WWOX: variants seen among roughly 807,000 people sequenced by gnomAD.
The protein encoded by WWOX is WW domain containing oxidoreductase.
WWOX carries 69 observed loss-of-function variants against 46.2 expected under a neutral mutation model. The ratio of observed to expected loss-of-function variants is 1.49; its 90% CI spans 1.23 to 1.82. WWOX has a LOEUF of 1.82. WWOX is among the 40% of genes most tolerant of loss of function. The pLI is 0.00. For missense variants in WWOX, 919 were observed against 542.6 expected, an observed-to-expected ratio of 1.69 and a Z score of -6.89; for synonymous variants, 359 against 202.6, an observed-to-expected ratio of 1.77 and a Z score of -6.56.
intron 8 of WWOX, among the ~76,000 whole-genome samples, chr16:78,686,115 C>T (rs1334533311): frequency 6.6e-6 from 1 of 152,118 alleles, no homozygotes; most frequent in African/African-American, 2.4e-5. Flanking sequence ...CAGTCAGGAC[C>T]AGATGTTCAC....
chr16:78,825,458 G>A (rs1203706117), intron 8 of WWOX: 1 of 402,502 alleles, frequency 2.5e-6, no homozygotes, highest in Non-Finnish European at 5.0e-6. Context: ...AATGTTCCTG[G>A]TGAGAACAGC....
At chr16:78,343,653 T>C (rs1271503628) in intron 5 of WWOX, among the ~76,000 whole-genome samples, 1 of 121,038 alleles carries the variant, frequency 8.3e-6, no homozygotes, top group African/African-American at 2.8e-5. Context: ...AGTATATTTC[T>C]GTAAATAGCA....
In WWOX at chr16:78,490,205, C is replaced by G. The variant is rs1304882806; in HGVS notation, c.1056+57453C>G. On this transcript the variant is annotated intron_variant, in intron 8 of 8. Transcript: ENST00000566780. The stretch of plus-strand genomic sequence containing the variant: ...TTGACCTTTCCTTATCAAGGACGTA[C>G]AAGGTGAATAGCTGGGTGATAATAT... Among the ~76,000 whole-genome samples, 4 of 148,986 alleles carry G rather than the reference C, an allele frequency of 2.7e-5. No individual in the cohort carries two copies. The East Asian group carries it at 7.9e-4, about 29-fold the overall frequency.
chr16:79,132,352 G>T (rs186858817), intron 8 of WWOX, among the ~76,000 whole-genome samples: 1 of 152,270 alleles, frequency 6.6e-6, no homozygotes, highest in Admixed American at 6.5e-5. Flanking sequence ...GGGACTTCCG[G>T]TTGGTGGATT....
chr16:78,184,383 C>G (rs987609998), intron 5 of WWOX, among the ~76,000 whole-genome samples: 2 of 152,142 alleles, frequency 1.3e-5, no homozygotes, highest in Admixed American at 1.3e-4. Flanking sequence ...TCATTATCAT[C>G]ATGCTCACAT....
chr16:78,518,336 A>C (rs1393236791), intron 8 of WWOX, among the ~76,000 whole-genome samples: 1 of 152,008 alleles, frequency 6.6e-6, no homozygotes, highest in Non-Finnish European at 1.5e-5. Flanking sequence ...GGATCAAGTG[A>C]TTCTCCTGCC....
intron 8 of WWOX, among the ~76,000 whole-genome samples, chr16:78,789,070 A>T (rs1016314561): frequency 6.6e-6 from 1 of 152,154 alleles, no homozygotes; most frequent in Admixed American, 6.5e-5. Context: ...TAACAACAAA[A>T]GTTTGGGTGT....
chr16:78,805,259 G>T (rs976395620), intron 8 of WWOX, among the ~76,000 whole-genome samples: 1 of 152,046 alleles, frequency 6.6e-6, no homozygotes, highest in Non-Finnish European at 1.5e-5. Flanking sequence ...GCATATATAT[G>T]TATATTTTTT....
chr16:79,008,478 A>C (rs8057993), intron 8 of WWOX, among the ~76,000 whole-genome samples: 18,516 of 152,084 alleles, frequency 0.12, 3,039 homozygotes, highest in African/African-American at 0.38. Context: ...TCATATTCAC[A>C]GTTGCCGCCC....
At chr16:78,238,702 C>G (rs931203898) in intron 5 of WWOX, among the ~76,000 whole-genome samples, 1 of 151,952 alleles carries the variant, frequency 6.6e-6, no homozygotes, top group Non-Finnish European at 1.5e-5. Context: ...TCGCCATGAT[C>G]TCTACCTCCC....
At chr16:78,540,811 G>A (rs528002903) in intron 8 of WWOX, among the ~76,000 whole-genome samples, 1 of 152,114 alleles carries the variant, frequency 6.6e-6, no homozygotes, top group Non-Finnish European at 1.5e-5. Context: ...CTCAGCCTGA[G>A]TAGATGGGAC....
chr16:79,022,744 C>T (rs538396051), intron 8 of WWOX, among the ~76,000 whole-genome samples: 1 of 152,182 alleles, frequency 6.6e-6, no homozygotes, highest in Non-Finnish European at 1.5e-5. Context: ...AGTGGCCCCC[C>T]ACCAAGCCCG....
chr16:78,697,147 T>G (rs1365097035), intron 8 of WWOX, among the ~76,000 whole-genome samples: 1 of 152,216 alleles, frequency 6.6e-6, no homozygotes, highest in Admixed American at 6.5e-5. Context: ...ATGTCTTTCA[T>G]ATAAGGACTT....
chr16:78,727,378 C>G (rs1477415), intron 8 of WWOX, among the ~76,000 whole-genome samples: 4 of 152,196 alleles, frequency 2.6e-5, no homozygotes, highest in Non-Finnish European at 5.9e-5. Flanking sequence ...GAGCAAGACT[C>G]CATCTCAAAG....
intron 8 of WWOX, among the ~76,000 whole-genome samples, chr16:78,548,177 A>AC (rs1453395243): frequency 1.1e-5 from 1 of 95,070 alleles, no homozygotes; most frequent in Non-Finnish European, 2.5e-5. Context: ...AAAAAAAAAA[A>AC]ATTACGAATT....
chr16:78,856,584 A>C (rs1275732770), intron 8 of WWOX, among the ~76,000 whole-genome samples: 2 of 152,198 alleles, frequency 1.3e-5, no homozygotes, highest in African/African-American at 4.8e-5. Flanking sequence ...CAGAGATTGC[A>C]GTGAGCCCAG....
chr16:78,656,363 G>C (rs180709939), intron 8 of WWOX, among the ~76,000 whole-genome samples: 44 of 152,178 alleles, frequency 2.9e-4, no homozygotes, highest in African/African-American at 1.0e-3. Flanking sequence ...TGATGTAAAG[G>C]ACTACCTGAG....
In WWOX at chr16:78,669,508, A is replaced by T. The variant is rs1429377020; in HGVS notation, c.1056+236756A>T. On this transcript the variant is annotated intron_variant, in intron 8 of 8. Transcript: ENST00000566780. ...GTCAAGGCCAGTGATGGTGCTGACT[A>T]TCCTACAATCCATAGGACAGTACCT... Among the ~76,000 whole-genome samples the T allele has an allele frequency of 1.3e-5, 2 of 152,216 alleles. 1 individual carries two copies. The highest frequency in any genetic ancestry group is 2.9e-5 in the Non-Finnish European group (2 of 68,042).
chr16:78,473,576 A>G (rs1039856767), intron 8 of WWOX, among the ~76,000 whole-genome samples: 6 of 152,190 alleles, frequency 3.9e-5, no homozygotes, highest in Non-Finnish European at 7.3e-5. Context: ...CTGTGAGCAG[A>G]CGTGATTCAG....
Sources: gnomAD v4.1 joint callset for allele counts (sites outside exome capture counted in the v4.1 genomes callset) on GRCh38, gnomAD v4.1.1 for gene constraint, MANE v1.5 for transcripts, NCBI Gene and HGNC (gene_info 2026-07-23, HGNC 2026-07-21) for gene names.